CEP162: variants seen among roughly 807,000 people sequenced by gnomAD.
CEP162 encodes centrosomal protein 162, also known as centrosomal protein of 162 kDa.
Under a neutral mutation model 169.2 loss-of-function variants are expected in CEP162, and 141 were observed. That is an observed-to-expected ratio of 0.83 (90% CI 0.73 to 0.96). The LOEUF (loss-of-function observed/expected upper bound fraction) is 0.96. Among genes scored for constraint, CEP162 ranks in the 40% least tolerant of loss-of-function variants. CEP162 has a pLI of 0.00. For missense variants in CEP162, 1,600 were observed against 1,587.2 expected (o/e 1.01, Z -0.14); for synonymous variants, 540 against 526.4 (o/e 1.03, Z -0.35).
Position 84,192,296 on chromosome 6 carries a change from T to A in CEP162, c.1109+1313A>T, listed in dbSNP as rs139300682. On this transcript the variant is annotated intron_variant, in intron 11 of 26. Coordinates refer to ENST00000403245, the MANE Select transcript of CEP162 (RefSeq NM_014895.4). Reference sequence around the variant, plus strand: ...ACTGTTATACCTTCAAAATATCTGTTTTAAGCTTTTAAACACAAATGTAAA... The same window carrying A: ...ACTGTTATACCTTCAAAATATCTGTATTAAGCTTTTAAACACAAATGTAAA... Among the ~76,000 whole-genome samples, 520 of 152,336 alleles carry A rather than the reference T, an allele frequency of 3.4e-3. 3 individuals are homozygous for A. Among genetic ancestry groups the A allele is most frequent in the African/African-American group, 0.011 (478 of 41,566 alleles).
rs70987776 is a variant in CEP162, at chr6:84,202,518, CTTTTTTTTTTTTTTTTTTTTTT to C, written c.688-773_688-752del. On this transcript the variant is annotated intron_variant, in intron 7 of 26. Coordinates refer to ENST00000403245, the MANE Select transcript of CEP162 (RefSeq NM_014895.4). ...CATTTTTCTTTTCTTTTCTTTCTTT[CTTTTTTTTTTTTTTTTTTTTTT>C]TTTTTGAGACAGGGTTGCGCTCTGT... Among the ~76,000 whole-genome samples, 587 of 90,800 alleles carry C rather than the reference CTTTTTTTTTTTTTTTTTTTTTT, an allele frequency of 6.5e-3. 11 individuals are homozygous for C. Among genetic ancestry groups the C allele is most frequent in the African/African-American group, 0.032 (560 of 17,258 alleles). 59.6% of individuals were successfully genotyped at this position (90,800 alleles called of 152,430 possible).
chr6:84,211,525 T>TAAAA (rs1283387102), intron 6 of CEP162, among the ~76,000 whole-genome samples: 1 of 48,774 alleles, frequency 2.1e-5, no homozygotes, highest in Admixed American at 3.0e-4. Flanking sequence ...AGATTCTATC[T>TAAAA]CAAAAAAAAA....
At chr6:84,189,562 C>T (rs1433012923) in intron 11 of CEP162, among the ~76,000 whole-genome samples, 4 of 152,200 alleles carry the variant, frequency 2.6e-5, no homozygotes, top group Admixed American at 6.5e-5. Flanking sequence ...GCTGGCCCAC[C>T]GGCGCTGCGC....
chr6:84,216,014 G>T (rs1332613201), intron 3 of CEP162, 92 bp from the exon 4 acceptor site: 1 of 1,386,884 alleles, frequency 7.2e-7, no homozygotes. Flanking sequence ...TGCTAATTTT[G>T]TGCACAGTAG....
At chr6:84,154,882 G>T (rs1282482746) in intron 22 of CEP162, among the ~76,000 whole-genome samples, 1 of 152,060 alleles carries the variant, frequency 6.6e-6, no homozygotes, top group Non-Finnish European at 1.5e-5. Flanking sequence ...TCTGGAAGAT[G>T]CTCCCCTACC....
At chr6:84,178,564 G>A (rs1481122826) in intron 13 of CEP162, among the ~76,000 whole-genome samples, 1 of 152,110 alleles carries the variant, frequency 6.6e-6, no homozygotes, top group Non-Finnish European at 1.5e-5. Flanking sequence ...ATACAATTTT[G>A]AGGAACATCC....
At chr6:84,159,467 A>T (rs1307247517) in intron 21 of CEP162, among the ~76,000 whole-genome samples, 7 of 144,512 alleles carry the variant, frequency 4.8e-5, no homozygotes, top group African/African-American at 1.3e-4. Context: ...AAATCCAAGC[A>T]ATGCTGGACT....
rs2099525529 is a variant in CEP162 at position 84,161,021 on chromosome 6, A to G, written c.2677-105T>C. ...GCACTCATACATTTATTAATTCCTC[A>G]GCAAAATTTGGGGAATTAATTCCTC... On this transcript the variant is annotated intron_variant, in intron 20 of 26. Transcript: ENST00000403245. 4 of 790,720 alleles carry G rather than the reference A, an allele frequency of 5.1e-6. No homozygotes were observed. The Admixed American group carries it at 6.9e-5, about 14-fold the overall frequency. 49.0% of individuals were successfully genotyped at this position (790,720 alleles called of 1,614,324 possible).
intron 10 of CEP162, among the ~76,000 whole-genome samples, chr6:84,194,373 GAAAA>G (rs2099541200): frequency 6.8e-6 from 1 of 147,420 alleles, no homozygotes; most frequent in African/African-American, 2.5e-5. Flanking sequence ...AAAAAGAAAA[GAAAA>G]GAAAGTGAAA....
chr6:84,203,885 T>C (rs2099545644), intron 7 of CEP162, 96 bp downstream of exon 7: 1 of 551,554 alleles, frequency 1.8e-6, no homozygotes, highest in East Asian at 3.0e-5. Context: ...AGCAAGATTA[T>C]GAAGAACTCC....
In CEP162 at chr6:84,215,472, G is replaced by A; in HGVS notation, c.320-7C>T. The A allele has an allele frequency of 6.5e-7, 1 of 1,543,826 alleles. No homozygotes were observed. Among genetic ancestry groups the A allele is most frequent in the South Asian group, 1.3e-5 (1 of 76,974 alleles). On this transcript the variant is annotated splice_polypyrimidine_tract_variant and splice_region_variant and intron_variant, in intron 4 of 26. Coordinates refer to ENST00000403245, the MANE Select transcript of CEP162 (RefSeq NM_014895.4). ...AGCTCAGAAACTACTAGTTCTAAAT[G>A]GAAAGCACAAATATATTTTAGTAAT...
chr6:84,189,123 C>T (rs62449304), intron 11 of CEP162, among the ~76,000 whole-genome samples: 5,754 of 152,108 alleles, frequency 0.038, 168 homozygotes, highest in Admixed American at 0.092. Context: ...GTGACCTCGG[C>T]TCACTGAAAC....
In CEP162 at chr6:84,124,714, C is replaced by T. The variant is rs1307424136; in HGVS notation, c.*356G>A. The T allele has an allele frequency of 3.6e-6, 1 of 277,896 alleles. No homozygotes were observed. Among genetic ancestry groups the T allele is most frequent in the Non-Finnish European group, 6.8e-6 (1 of 147,942 alleles). The allele number at this position is 277,896 out of a possible 1,614,324, so 17.2% of individuals were successfully genotyped here. On this transcript the variant is annotated 3_prime_UTR_variant, in exon 27 of 27. Coordinates refer to ENST00000403245, the MANE Select transcript of CEP162 (RefSeq NM_014895.4). ...CCCATGTTACAACAAGCACATGTACCCCCTGGATCTAAAATAAAAATTTTA... is the reference window on the plus strand; with the variant it reads ...CCCATGTTACAACAAGCACATGTACTCCCTGGATCTAAAATAAAAATTTTA...
intron 25 of CEP162, among the ~76,000 whole-genome samples, chr6:84,131,474 G>T (rs148360686): frequency 6.6e-6 from 1 of 152,034 alleles, no homozygotes; most frequent in Non-Finnish European, 1.5e-5. Context: ...TTATTGTGTG[G>T]GAGTCTAGGT....
chr6:84,138,189 T>A (rs556315482), intron 25 of CEP162, among the ~76,000 whole-genome samples: 1 of 152,340 alleles, frequency 6.6e-6, no homozygotes, highest in East Asian at 1.9e-4. Context: ...TCACTTGTGG[T>A]CATGTGGAGT....
At chr6:84,142,427 T>C (rs1358690347) in intron 25 of CEP162, among the ~76,000 whole-genome samples, 2 of 152,212 alleles carry the variant, frequency 1.3e-5, no homozygotes, top group Non-Finnish European at 2.9e-5. Flanking sequence ...TATATACGTA[T>C]ACATTTTTTT....
At chr6:84,163,103 T>C in intron 19 of CEP162, 41 bp downstream of exon 19, 3 of 1,596,502 alleles carry the variant, frequency 1.9e-6, no homozygotes, top group Non-Finnish European at 2.6e-6. Flanking sequence ...ATTAGAACAG[T>C]TATGATTATA....
intron 26 of CEP162, 132 bp downstream of exon 26, chr6:84,126,246 A>G: frequency 1.8e-6 from 1 of 560,656 alleles, no homozygotes; most frequent in East Asian, 3.5e-5. Context: ...AATTTATTAA[A>G]TTTTTAACAA....
At chr6:84,131,115 C>T (rs1012949243) in intron 25 of CEP162, among the ~76,000 whole-genome samples, 1 of 152,140 alleles carries the variant, frequency 6.6e-6, no homozygotes, top group African/African-American at 2.4e-5. Flanking sequence ...CATTATTTAT[C>T]CAGTAGTCCT....
Sources: allele counts gnomAD v4.1 joint callset (sites outside exome capture counted in the v4.1 genomes callset), GRCh38; gene constraint gnomAD v4.1.1; transcripts MANE v1.5; gene names NCBI Gene and HGNC (gene_info 2026-07-23, HGNC 2026-07-21).